ZC3H7A: variants seen among roughly 807,000 people sequenced by gnomAD.
The protein encoded by ZC3H7A is zinc finger CCCH-type containing 7A.
ZC3H7A carries 44 observed loss-of-function variants against 125.5 expected under a neutral mutation model. The observed-to-expected ratio is 0.35, with a 90% confidence interval of 0.28 to 0.45. The LOEUF (loss-of-function observed/expected upper bound fraction) is 0.45. ZC3H7A is among the 20% of genes least tolerant of loss of function. ZC3H7A has a pLI of 1.00. For synonymous variants in ZC3H7A, 399 were observed against 391.2 expected (o/e 1.02, Z -0.23); for missense variants, 977 against 1,170.7 (o/e 0.83, Z 2.41).
chr16:11,783,332 T>G (rs930995500), intron 1 of ZC3H7A, among the ~76,000 whole-genome samples: 2 of 152,184 alleles, frequency 1.3e-5, no homozygotes, highest in African/African-American at 4.8e-5. Flanking sequence ...TATCATTCTT[T>G]TGGGCCCCAC....
rs1220690344 is a variant in ZC3H7A, at chr16:11,765,849, C to T, written c.1523-164G>A. ...TCCAGCCTGGGCAACAGAGCAAGTCCCAGTGTCAAAATAAACAAACAAACA... is the reference window on the plus strand; with the variant it reads ...TCCAGCCTGGGCAACAGAGCAAGTCTCAGTGTCAAAATAAACAAACAAACA... On this transcript the variant is annotated intron_variant, in intron 13 of 22. Coordinates refer to ENST00000355758, the MANE Select transcript of ZC3H7A (RefSeq NM_014153.4). This position sits in a 1 kb window ranked among gnomAD's most constrained non-coding sequence, Gnocchi z 4.8. Among the ~76,000 whole-genome samples, 1 of 151,978 alleles carries T rather than the reference C, an allele frequency of 6.6e-6. No homozygotes were observed. Among genetic ancestry groups the T allele is most frequent in the Non-Finnish European group, 1.5e-5 (1 of 67,970 alleles).
At chr16:11,760,879 C>T in intron 19 of ZC3H7A, among the ~76,000 whole-genome samples, 1 of 152,172 alleles carries the variant, frequency 6.6e-6, no homozygotes, top group East Asian at 1.9e-4. Context: ...TTTAAGTTAG[C>T]CTAGTATTTT....
At chr16:11,780,146 G>T (rs2053151690) in intron 3 of ZC3H7A, among the ~76,000 whole-genome samples, 1 of 145,456 alleles carries the variant, frequency 6.9e-6, no homozygotes, top group African/African-American at 2.6e-5. Flanking sequence ...TTTTGAGACA[G>T]AGTCTTACTC....
chr16:11,754,921 A>G (rs1416523671), intron 21 of ZC3H7A, among the ~76,000 whole-genome samples: 1 of 137,758 alleles, frequency 7.3e-6, no homozygotes, highest in Non-Finnish European at 1.6e-5. Flanking sequence ...AAAAGAATAC[A>G]TGTGTTGGCC....
rs549235178 is a variant in ZC3H7A, at chr16:11,776,697, T to C, written c.465+54A>G. 97 of 1,549,772 alleles carry C rather than the reference T, an allele frequency of 6.3e-5. No homozygotes were observed. The East Asian group carries it at 1.7e-3, about 27-fold the overall frequency. On this transcript the variant is annotated intron_variant, in intron 5 of 22. Coordinates refer to ENST00000355758, the MANE Select transcript of ZC3H7A (RefSeq NM_014153.4). ...GGAAAATTTAACTCTTTAAATGCCA[T>C]TTATTATGATGTAAATGGTTACGAT...
At chr16:11,769,807 T>TTTTTTTTTTTTTTTTTTTTTG (rs1206833597) in intron 10 of ZC3H7A, among the ~76,000 whole-genome samples, 1 of 117,242 alleles carries the variant, frequency 8.5e-6, no homozygotes, top group Admixed American at 9.9e-5. Flanking sequence ...TTTTTTTTTT[T>TTTTTTTTTTTTTTTTTTTTTG]GAGAAAGGGT....
At chr16:11,788,777 C>A (rs1320495595) in intron 1 of ZC3H7A, among the ~76,000 whole-genome samples, 1 of 151,982 alleles carries the variant, frequency 6.6e-6, no homozygotes, top group East Asian at 1.9e-4. Flanking sequence ...GCACACCCAG[C>A]TAATTTTTGT....
In ZC3H7A at chr16:11,767,665, T is replaced by C. The variant is rs1266545442; in HGVS notation, c.1361-87A>G. On this transcript the variant is annotated intron_variant, in intron 12 of 22. Coordinates refer to ENST00000355758, the MANE Select transcript of ZC3H7A (RefSeq NM_014153.4). ...AAATTTACAAGCAGACATGAACAGA[T>C]GAACATCAATTATTAAATTCCCACA... 5 of 1,266,018 alleles carry C rather than the reference T, an allele frequency of 3.9e-6. No homozygotes were observed. The East Asian group carries it at 1.0e-4, about 26-fold the overall frequency. The allele number at this position is 1,266,018 out of a possible 1,614,324, so 78.4% of individuals were successfully genotyped here.
chr16:11,767,430 A>G lies in ZC3H7A; in HGVS notation c.1509T>C (p.Tyr503=). 2.5e-6 allele frequency: 4 copies of G among 1,587,084 alleles called. No homozygotes were observed. The highest frequency in any genetic ancestry group is 3.5e-6 in the Non-Finnish European group (4 of 1,158,528). Residue 503 remains tyrosine, a synonymous_variant, in exon 13 of 23, where the codon TAT becomes TAC. Transcript: ENST00000355758. Reference sequence around the variant, plus strand: ...TACAGTACATACCTTTACATATATAATATGGTCCTTCATAATTTGTTTTTG... The same window carrying G: ...TACAGTACATACCTTTACATATATAGTATGGTCCTTCATAATTTGTTTTTG... ...RPTKTNYEGP[Y]YICKDVAAEE...
Position 11,795,363 on chromosome 16 carries a change from G to A in ZC3H7A, c.-35+1761C>T, listed in dbSNP as rs146483584. On this transcript the variant is annotated intron_variant, in intron 1 of 22. Transcript: ENST00000355758. Reference sequence around the variant, plus strand: ...CCACCCATTCAGATGCCCCAGCTGCGCGCTGTCCAGTCGAAATATTGTACA... The same window carrying A: ...CCACCCATTCAGATGCCCCAGCTGCACGCTGTCCAGTCGAAATATTGTACA... 1.3e-3 allele frequency among the ~76,000 whole-genome samples: 201 copies of A among 152,314 alleles called. 1 individual carries two copies. Among genetic ancestry groups the A allele is most frequent in the South Asian group, 3.9e-3 (19 of 4,828 alleles).
At chr16:11,754,331 T>TATATA (rs2052602163) in intron 21 of ZC3H7A, among the ~76,000 whole-genome samples, 1 of 126,678 alleles carries the variant, frequency 7.9e-6, no homozygotes, top group African/African-American at 3.0e-5. Context: ...AATATATATA[T>TATATA]ATATATAATA....
rs544177953 is a variant in ZC3H7A at position 11,770,324 on chromosome 16, A to G, written c.1108+459T>C. ...AAACTCAGCAATCTCCTGTAAAGTT[A>G]AAGCAGCAGCCACGGTTTGCTGAGC... On this transcript the variant is annotated intron_variant, in intron 10 of 22. Transcript: ENST00000355758. Among the ~76,000 whole-genome samples the G allele has an allele frequency of 4.3e-4, 65 of 152,336 alleles. 1 individual carries two copies. Among genetic ancestry groups the G allele is most frequent in the Admixed American group, 7.8e-4 (12 of 15,292 alleles).
At position 11,756,433 on chromosome 16, in the gene ZC3H7A, T is replaced by A. The variant is rs28564226; in HGVS notation, c.2429-63A>T. On this transcript the variant is annotated intron_variant, in intron 20 of 22. Coordinates refer to ENST00000355758, the MANE Select transcript of ZC3H7A (RefSeq NM_014153.4). Reference sequence around the variant, plus strand: ...AACTCCATTTAAATACATGCAACTATGTGCATATTTTGTAGCAGTCAGCAT... The same window carrying A: ...AACTCCATTTAAATACATGCAACTAAGTGCATATTTTGTAGCAGTCAGCAT... The A allele has an allele frequency of 5.1e-6, 8 of 1,575,068 alleles. No individual in the cohort carries two copies. In the East Asian group the frequency reaches 1.6e-4, roughly 31 times the overall value.
intron 4 of ZC3H7A, among the ~76,000 whole-genome samples, chr16:11,778,939 C>T (rs372076217): frequency 6.6e-6 from 1 of 152,096 alleles, no homozygotes; most frequent in African/African-American, 2.4e-5. Context: ...GTCTCAAACT[C>T]CTAACCTCAT....
chr16:11,774,082 G>A (rs184863423), intron 9 of ZC3H7A, among the ~76,000 whole-genome samples, 154 bp downstream of exon 9: 8 of 151,404 alleles, frequency 5.3e-5, no homozygotes, highest in African/African-American at 1.7e-4. Flanking sequence ...AAATTAACCA[G>A]TTTCAGTAGA....
In ZC3H7A at chr16:11,776,645, C is replaced by G. The variant is rs1412521161; in HGVS notation, c.465+106G>C. On this transcript the variant is annotated intron_variant, in intron 5 of 22. Coordinates refer to ENST00000355758, the MANE Select transcript of ZC3H7A (RefSeq NM_014153.4). ...ACACCTGCTTCATTAGCATTTATAC[C>G]CAACTGAAGCAGGTTGATGGATGAC... 18 of 1,492,028 alleles carry G rather than the reference C, an allele frequency of 1.2e-5. No individual in the cohort carries two copies. The South Asian group carries it at 1.3e-4, about 11-fold the overall frequency. The allele number at this position is 1,492,028 out of a possible 1,614,324, so 92.4% of individuals were successfully genotyped here.
chr16:11,786,450 T>C (rs1476452514), intron 1 of ZC3H7A, among the ~76,000 whole-genome samples: 1 of 152,222 alleles, frequency 6.6e-6, no homozygotes, highest in East Asian at 1.9e-4. Context: ...TGGCTAAGAA[T>C]GGACTCCTGG....
chr16:11,786,716 G>GT (rs940733181), intron 1 of ZC3H7A, among the ~76,000 whole-genome samples: 1 of 152,146 alleles, frequency 6.6e-6, no homozygotes, highest in African/African-American at 2.4e-5. Context: ...ATGTTCAGTA[G>GT]TTTTTTAAGT....
Position 11,788,066 on chromosome 16 carries a change from G to A in ZC3H7A, c.-34-5678C>T, listed in dbSNP as rs181987578. Among the ~76,000 whole-genome samples the A allele has an allele frequency of 1.5e-3, 234 of 152,146 alleles. 2 individuals carry two copies. The highest frequency in any genetic ancestry group is 5.5e-3 in the African/African-American group (229 of 41,506). ...ATATACTATCTTATTTTTGGATACTGTTAAAATCTAGCCTCAATTTTAAAG... is the reference window on the plus strand; with the variant it reads ...ATATACTATCTTATTTTTGGATACTATTAAAATCTAGCCTCAATTTTAAAG... On this transcript the variant is annotated intron_variant, in intron 1 of 22. Coordinates refer to ENST00000355758, the MANE Select transcript of ZC3H7A (RefSeq NM_014153.4).
Sources: gnomAD v4.1 joint callset for allele counts (sites outside exome capture counted in the v4.1 genomes callset) on GRCh38, gnomAD v4.1.1 for gene constraint, Gnocchi (gnomAD v3.1) non-coding constraint, MANE v1.5 for transcripts, NCBI Gene and HGNC (gene_info 2026-07-23, HGNC 2026-07-21) for gene names.